Variants in CSMD3 observed in about 807,000 individuals in gnomAD.
CSMD3 encodes the protein CUB and Sushi multiple domains 3, also known as CUB and sushi domain-containing protein 3.
A neutral mutation model predicts 435.2 loss-of-function variants in CSMD3; 177 were observed. The observed-to-expected ratio is 0.41, with a 90% CI of 0.36 to 0.46. The LOEUF (loss-of-function observed/expected upper bound fraction) is 0.46. Ranked by LOEUF, CSMD3 falls within the 20% of genes least tolerant of loss-of-function variation. The pLI, the probability that CSMD3 is intolerant of heterozygous loss-of-function variation, is 0.34. For missense variants in CSMD3, 4,265 were observed against 4,504.6 expected, an observed-to-expected ratio of 0.95 and a Z score of 1.52; for synonymous variants, 1,656 against 1,520.5, an observed-to-expected ratio of 1.09 and a Z score of -2.07.
intron 1 of CSMD3, among the ~76,000 whole-genome samples, chr8:113,358,228 A>G (rs2094246186): frequency 6.6e-6 from 1 of 152,246 alleles, no homozygotes; most frequent in Non-Finnish European, 1.5e-5. Context: ...TAATACAACT[A>G]AATTATTTCT....
rs146311492 is a variant in CSMD3, at chr8:112,989,003, T to G, written c.1031-12855A>C. Among the ~76,000 whole-genome samples, 1,214 of 152,172 alleles carry G rather than the reference T, an allele frequency of 8.0e-3. 17 individuals are homozygous for G. The highest frequency in any genetic ancestry group is 0.027 in the African/African-American group (1,137 of 41,532). ...CTCAACAAGTATTTATTGTCTTAGG[T>G]CATTTATTCATTCTTCCAGAATTTT... On this transcript the variant is annotated intron_variant, in intron 6 of 70. Transcript: ENST00000297405.
At chr8:112,582,490 T>G (rs1586732061) in intron 23 of CSMD3, among the ~76,000 whole-genome samples, 1 of 151,004 alleles carries the variant, frequency 6.6e-6, no homozygotes, top group Non-Finnish European at 1.5e-5. Flanking sequence ...TGGAGTGGAG[T>G]GAGCTAAAGG....
rs2092908540 is a variant in CSMD3 at position 113,216,555 on chromosome 8, G to A, written c.515-42639C>T. ...TTCAAAAAATGTTAAATATGAAAAG[G>A]TAAATGGTACCAAACATATTCTCCC... is the stretch of plus-strand genomic sequence containing the variant. On this transcript the variant is annotated intron_variant, in intron 3 of 70. Transcript: ENST00000297405. Among the ~76,000 whole-genome samples, 5 of 151,868 alleles carry A rather than the reference G, an allele frequency of 3.3e-5. No homozygotes were observed. In the South Asian group the frequency reaches 1.0e-3, roughly 32 times the overall value.
chr8:112,331,470 TG>T (rs1274925079), intron 45 of CSMD3, among the ~76,000 whole-genome samples: 2 of 152,038 alleles, frequency 1.3e-5, no homozygotes, highest in Non-Finnish European at 2.9e-5. Flanking sequence ...ATGTTATTTT[TG>T]ATCATAAAAG....
intron 7 of CSMD3, among the ~76,000 whole-genome samples, chr8:112,963,638 G>T (rs1486965982): frequency 1.3e-5 from 2 of 151,900 alleles, no homozygotes; most frequent in East Asian, 1.9e-4. Flanking sequence ...GAAACACAGA[G>T]ATTCACAAAG....
At chr8:113,255,977 T>A (rs922344539) in intron 3 of CSMD3, among the ~76,000 whole-genome samples, 1 of 152,050 alleles carries the variant, frequency 6.6e-6, no homozygotes, top group Non-Finnish European at 1.5e-5. Context: ...CTCCAATTCT[T>A]TGTCTAACAT....
At chr8:112,431,925 T>G (rs1813754857) in intron 32 of CSMD3, among the ~76,000 whole-genome samples, 2 of 152,164 alleles carry the variant, frequency 1.3e-5, no homozygotes, top group South Asian at 4.1e-4. Context: ...TGAAAATCTT[T>G]TCTCTCCTCT....
chr8:113,375,931 T>C (rs892060248), intron 1 of CSMD3, among the ~76,000 whole-genome samples: 2 of 152,174 alleles, frequency 1.3e-5, no homozygotes, highest in Non-Finnish European at 2.9e-5. Context: ...TTTTAATTTT[T>C]TACCAAAATT....
chr8:112,680,660 C>A (rs1373595946), intron 16 of CSMD3, among the ~76,000 whole-genome samples: 1 of 151,968 alleles, frequency 6.6e-6, no homozygotes, highest in Non-Finnish European at 1.5e-5. Flanking sequence ...TTCTGCCCAC[C>A]TGATATTACT....
chr8:112,913,936 A>G (rs2082502353), intron 10 of CSMD3, among the ~76,000 whole-genome samples: 2 of 151,950 alleles, frequency 1.3e-5, no homozygotes, highest in Non-Finnish European at 2.9e-5. Flanking sequence ...ATTGTGATAT[A>G]TAGTAATGCA....
At chr8:113,030,624 A>T (rs1343132019) in intron 5 of CSMD3, among the ~76,000 whole-genome samples, 1 of 151,156 alleles carries the variant, frequency 6.6e-6, no homozygotes, top group African/African-American at 2.4e-5. Context: ...AAGTTTCAGA[A>T]TTAAGCCCAA....
At chr8:112,615,063 A>C (rs1026818478) in intron 22 of CSMD3, among the ~76,000 whole-genome samples, 1 of 152,166 alleles carries the variant, frequency 6.6e-6, no homozygotes, top group Non-Finnish European at 1.5e-5. Context: ...GTCTTATAGA[A>C]TATACAGTTT....
chr8:112,747,351 C>T (rs1253802419), intron 13 of CSMD3, among the ~76,000 whole-genome samples: 2 of 151,640 alleles, frequency 1.3e-5, no homozygotes, highest in Non-Finnish European at 2.9e-5. Context: ...AACTGCCTCA[C>T]AGTTAAGTGT....
chr8:112,398,035 C>G (rs570080373), intron 35 of CSMD3, among the ~76,000 whole-genome samples: 1 of 152,262 alleles, frequency 6.6e-6, no homozygotes, highest in African/African-American at 2.4e-5. Context: ...AACAAACTAT[C>G]TACTTTCAAA....
chr8:112,454,809 G>T (rs1266110111), intron 32 of CSMD3, among the ~76,000 whole-genome samples: 1 of 151,968 alleles, frequency 6.6e-6, no homozygotes, highest in East Asian at 1.9e-4. Context: ...TGGGCAACAT[G>T]ATGAGACTCT....
chr8:113,313,731 T>G (rs1433626718), intron 2 of CSMD3: 2 of 152,184 alleles, frequency 1.3e-5, no homozygotes, highest in Non-Finnish European at 2.9e-5. Flanking sequence ...TTCCTACATG[T>G]TACCTTCTTA....
chr8:112,275,845 G>A (rs1817990827), intron 59 of CSMD3, among the ~76,000 whole-genome samples: 1 of 151,986 alleles, frequency 6.6e-6, no homozygotes, highest in African/African-American at 2.4e-5. Flanking sequence ...ATTTGGTTGG[G>A]GCTACAGCCA....
intron 1 of CSMD3, among the ~76,000 whole-genome samples, chr8:113,397,556 C>G (rs2094489415): frequency 6.6e-6 from 1 of 151,984 alleles, no homozygotes; most frequent in African/African-American, 2.4e-5. Context: ...CGCGGTGGCT[C>G]AGGCTAATCC....
At chr8:112,841,236 TAC>T (rs2080171230) in intron 11 of CSMD3, among the ~76,000 whole-genome samples, 1 of 151,644 alleles carries the variant, frequency 6.6e-6, no homozygotes, top group Non-Finnish European at 1.5e-5. Flanking sequence ...TCTTTAGTTC[TAC>T]AGTCTCCATG....
Sources: allele counts gnomAD v4.1 joint callset (sites outside exome capture counted in the v4.1 genomes callset), GRCh38; gene constraint gnomAD v4.1.1; transcripts MANE v1.5; gene names NCBI Gene and HGNC (gene_info 2026-07-23, HGNC 2026-07-21).